The following NRG3 variants were observed in gnomAD, a reference collection of about 807,000 sequenced individuals.
The protein encoded by NRG3 is pro-neuregulin-3, membrane-bound isoform.
In NRG3, 31 loss-of-function variants were observed where a neutral mutation model predicts 66.9. The observed-to-expected ratio is 0.46, with a 90% confidence interval of 0.35 to 0.63. NRG3 has a LOEUF of 0.63. NRG3 is among the 20% of genes least tolerant of loss of function. NRG3 has a pLI of 0.00. For synonymous variants in NRG3, 393 were observed against 359.4 expected (o/e 1.09, Z -1.06); for missense variants, 910 against 878.9 (o/e 1.04, Z -0.45).
chr10:82,204,904 A>G (rs1185814850), intron 1 of NRG3, among the ~76,000 whole-genome samples: 5 of 152,208 alleles, frequency 3.3e-5, no homozygotes, highest in East Asian at 3.9e-4. Context: ...GGATGTTTGC[A>G]CAAGGTTTTG....
chr10:82,711,031 C>A (rs2056632646), intron 2 of NRG3, among the ~76,000 whole-genome samples: 1 of 152,106 alleles, frequency 6.6e-6, no homozygotes, highest in African/African-American at 2.4e-5. Context: ...CTCAGTCTCC[C>A]AAGTTGGTGG....
intron 1 of NRG3, among the ~76,000 whole-genome samples, chr10:82,126,679 C>T (rs917067914): frequency 6.6e-6 from 1 of 152,094 alleles, no homozygotes; most frequent in African/African-American, 2.4e-5. Flanking sequence ...CCTCTCTACA[C>T]ATTCATGTTT....
intron 1 of NRG3, among the ~76,000 whole-genome samples, chr10:82,118,812 G>T (rs1238110408): frequency 6.6e-6 from 1 of 152,054 alleles, no homozygotes. Context: ...GTACAGCTAG[G>T]TGAGTGACTC....
At chr10:82,368,190 G>A (rs2084663918) in intron 2 of NRG3, among the ~76,000 whole-genome samples, 1 of 137,296 alleles carries the variant, frequency 7.3e-6, no homozygotes. Flanking sequence ...GTATAATATA[G>A]TAAGTTACAG....
intron 1 of NRG3, among the ~76,000 whole-genome samples, chr10:81,977,605 G>C (rs2060172473): frequency 6.6e-6 from 1 of 152,138 alleles, no homozygotes; most frequent in Non-Finnish European, 1.5e-5. Context: ...ATGGTTTACT[G>C]TGTTTTCCAA....
intron 2 of NRG3, among the ~76,000 whole-genome samples, chr10:82,696,346 A>G (rs1215604548): frequency 1.3e-5 from 2 of 152,086 alleles, no homozygotes; most frequent in Non-Finnish European, 2.9e-5. Context: ...GTATATACTT[A>G]TAGTATATAT....
intron 2 of NRG3, among the ~76,000 whole-genome samples, chr10:82,359,976 G>A (rs1420512781): frequency 6.6e-6 from 1 of 152,162 alleles, no homozygotes; most frequent in African/African-American, 2.4e-5. Context: ...AATGGCACAG[G>A]TTTGGAAGAA....
chr10:82,336,240 A>G (rs2082379445), intron 1 of NRG3, among the ~76,000 whole-genome samples: 1 of 152,034 alleles, frequency 6.6e-6, no homozygotes, highest in African/African-American at 2.4e-5. Flanking sequence ...AGAAAAGGAG[A>G]TATGGAGTGC....
chr10:82,437,519 C>G (rs914969582), intron 2 of NRG3, among the ~76,000 whole-genome samples: 1 of 152,084 alleles, frequency 6.6e-6, no homozygotes, highest in African/African-American at 2.4e-5. Context: ...TACTACCCAT[C>G]TTCTAAAGCC....
At chr10:82,539,624 TTTTTTG>T (rs550817717) in intron 2 of NRG3, among the ~76,000 whole-genome samples, 87 of 152,014 alleles carry the variant, frequency 5.7e-4, no homozygotes, top group Non-Finnish European at 1.1e-3. Flanking sequence ...ACTGCCGTTT[TTTTTTG>T]TTTTTGTTTT....
chr10:82,248,314 T>G (rs1029275888), intron 1 of NRG3, among the ~76,000 whole-genome samples: 2 of 152,338 alleles, frequency 1.3e-5, no homozygotes, highest in Non-Finnish European at 2.9e-5. Context: ...TGGTCTCCTC[T>G]GTCTACTCCC....
intron 4 of NRG3, among the ~76,000 whole-genome samples, chr10:82,883,099 C>T (rs1407267346): frequency 1.3e-5 from 2 of 152,114 alleles, no homozygotes; most frequent in Middle Eastern, 3.2e-3. Context: ...TAGAAGACAT[C>T]GTTTCAAATG....
At chr10:82,874,836 T>C (rs1016258017) in intron 4 of NRG3, among the ~76,000 whole-genome samples, 8 of 152,210 alleles carry the variant, frequency 5.3e-5, no homozygotes, top group Non-Finnish European at 4.4e-5. Flanking sequence ...TAGGGCTCCA[T>C]GTTTCCTCAA....
intron 2 of NRG3, among the ~76,000 whole-genome samples, chr10:82,438,743 C>T (rs993417075): frequency 6.6e-6 from 1 of 152,138 alleles, no homozygotes; most frequent in Non-Finnish European, 1.5e-5. Context: ...GAGTAGCACG[C>T]TCACTCACCA....
At chr10:82,787,171 ACT>A (rs1029376402) in intron 3 of NRG3, among the ~76,000 whole-genome samples, 4 of 151,384 alleles carry the variant, frequency 2.6e-5, no homozygotes, top group African/African-American at 7.3e-5. Flanking sequence ...TTGCTCTGCA[ACT>A]CTCTCTTACA....
chr10:82,560,075 C>T (rs978950721), intron 2 of NRG3, among the ~76,000 whole-genome samples: 17 of 151,584 alleles, frequency 1.1e-4, no homozygotes, highest in Non-Finnish European at 2.5e-4. Context: ...AGTTTATCTT[C>T]AAGTATTCAT....
intron 1 of NRG3, among the ~76,000 whole-genome samples, chr10:82,228,479 T>G (rs1014910810): frequency 2.0e-5 from 3 of 152,180 alleles, no homozygotes; most frequent in Admixed American, 1.3e-4. Context: ...AATATGATAT[T>G]GATTTGCTGT....
intron 2 of NRG3, among the ~76,000 whole-genome samples, chr10:82,617,400 C>T (rs1468325214): frequency 2.6e-5 from 4 of 151,822 alleles, no homozygotes; most frequent in African/African-American, 7.3e-5. Flanking sequence ...CACAGACACA[C>T]GGCCAGCCGA....
chr10:82,370,266 T>C (rs1478803280), intron 2 of NRG3, among the ~76,000 whole-genome samples: 2 of 137,886 alleles, frequency 1.5e-5, no homozygotes, highest in Non-Finnish European at 3.0e-5. Context: ...CTCAGCGAGA[T>C]GATGAGGAGC....
Sources: gnomAD v4.1 joint callset for allele counts (sites outside exome capture counted in the v4.1 genomes callset) on GRCh38, gnomAD v4.1.1 for gene constraint, MANE v1.5 for transcripts, NCBI Gene and HGNC (gene_info 2026-07-23, HGNC 2026-07-21) for gene names.